Variants in MRTFB observed in about 807,000 individuals in gnomAD.
MRTFB encodes the protein myocardin-related transcription factor B.
Under a neutral mutation model 104.2 loss-of-function variants are expected in MRTFB, and 29 were observed. The observed-to-expected ratio is 0.28, with a 90% CI of 0.21 to 0.38. The LOEUF (loss-of-function observed/expected upper bound fraction) is 0.38, where lower values mean the gene tolerates loss of function less well. MRTFB is among the 10% of genes least tolerant of loss of function. The pLI, the probability that MRTFB is intolerant of heterozygous loss-of-function variation, is 1.00. For synonymous variants in MRTFB, 535 were observed against 519.5 expected, an observed-to-expected ratio of 1.03 and a Z score of -0.41; for missense variants, 1,270 against 1,341.6, an observed-to-expected ratio of 0.95 and a Z score of 0.83.
intron 2 of MRTFB, among the ~76,000 whole-genome samples, chr16:14,095,056 T>C (rs986711116): frequency 6.6e-6 from 1 of 152,212 alleles, no homozygotes; most frequent in South Asian, 2.1e-4. Context: ...ATAGTCTTCT[T>C]ATCTTACCAA....
chr16:14,012,204 G>A, the MRTFB span, among the ~76,000 whole-genome samples: 14 of 150,938 alleles, frequency 9.3e-5, no homozygotes, highest in Non-Finnish European at 1.8e-4. Context: ...GGCAGGCAAC[G>A]ACCTTGACAT....
intron 1 of MRTFB, among the ~76,000 whole-genome samples, chr16:14,072,313 T>C (rs2141759989): frequency 6.6e-6 from 1 of 152,308 alleles, no homozygotes; most frequent in Admixed American, 6.5e-5. Flanking sequence ...GATGGTTTGA[T>C]TGAAGCGTAA....
At chr16:14,034,385 G>T in the MRTFB span, among the ~76,000 whole-genome samples, 2 of 152,180 alleles carry the variant, frequency 1.3e-5, no homozygotes, top group African/African-American at 2.4e-5. Context: ...AGGCCAAGGT[G>T]GGCGGATCAC....
At chr16:14,090,677 T>C (rs2035001222) in intron 2 of MRTFB, among the ~76,000 whole-genome samples, 1 of 152,082 alleles carries the variant, frequency 6.6e-6, no homozygotes, top group Non-Finnish European at 1.5e-5. Flanking sequence ...GATCAGAACT[T>C]TTTGTTATAG....
chr16:14,057,197 G>C, the MRTFB span, among the ~76,000 whole-genome samples: 1 of 152,062 alleles, frequency 6.6e-6, no homozygotes, highest in Admixed American at 6.5e-5. Flanking sequence ...CACTGTTCCA[G>C]CCAAAAAATG....
At chr16:14,249,204 T>G in intron 13 of MRTFB, 123 bp downstream of exon 13, 1 of 1,157,760 alleles carries the variant, frequency 8.6e-7, no homozygotes, top group East Asian at 2.6e-5. Context: ...GTGATCCATC[T>G]CCCATAGAAT....
the MRTFB span, among the ~76,000 whole-genome samples, chr16:14,032,621 G>A: frequency 1.3e-5 from 2 of 152,150 alleles, no homozygotes; most frequent in African/African-American, 4.8e-5. Flanking sequence ...CCTCCAATTT[G>A]TCAGACAGAA....
chr16:14,075,889 C>T (rs1408049554), intron 1 of MRTFB, among the ~76,000 whole-genome samples: 2 of 152,114 alleles, frequency 1.3e-5, no homozygotes, highest in Non-Finnish European at 2.9e-5. Flanking sequence ...GTGCTTTTAA[C>T]ATTTACAAAT....
the MRTFB span, among the ~76,000 whole-genome samples, chr16:13,995,731 C>A: frequency 1.3e-5 from 2 of 152,088 alleles, no homozygotes; most frequent in African/African-American, 4.8e-5. Context: ...GCACATCATC[C>A]CTGGCTGGAG....
At position 14,261,469 on chromosome 16, in the gene MRTFB, T is replaced by G. The variant is rs143311593; in HGVS notation, c.*25T>G. The G allele has an allele frequency of 1.3e-6, 2 of 1,560,056 alleles. No individual in the cohort carries two copies. The highest frequency in any genetic ancestry group is 1.7e-6 in the Non-Finnish European group (2 of 1,150,664). ...ACGTCACAGATTTCTTTTCTGAGAG[T>G]TGATGAGGTTTAAGAACATGAAGAT... On this transcript the variant is annotated 3_prime_UTR_variant, in exon 17 of 17. Transcript: ENST00000571589.
chr16:14,092,388 A>G (rs534508781), intron 2 of MRTFB, among the ~76,000 whole-genome samples: 1 of 152,284 alleles, frequency 6.6e-6, no homozygotes, highest in East Asian at 1.9e-4. Context: ...AAGGGTGGGA[A>G]ACAGATTTAG....
intron 9 of MRTFB, among the ~76,000 whole-genome samples, chr16:14,236,262 G>T (rs2042501845): frequency 6.6e-6 from 1 of 152,300 alleles, no homozygotes; most frequent in South Asian, 2.1e-4. Flanking sequence ...TAATATTGTG[G>T]GATTGAAGGA....
At chr16:14,049,801 C>T in the MRTFB span, among the ~76,000 whole-genome samples, 1 of 152,160 alleles carries the variant, frequency 6.6e-6, no homozygotes, top group African/African-American at 2.4e-5. Context: ...GGCACGATCT[C>T]GGCTCACTGC....
intron 10 of MRTFB, among the ~76,000 whole-genome samples, chr16:14,244,172 A>G (rs1567210312): frequency 2.0e-5 from 3 of 152,104 alleles, no homozygotes; most frequent in African/African-American, 4.8e-5. Context: ...AACTTCATAT[A>G]CACGCAATCT....
chr16:14,033,017 GT>G, the MRTFB span, among the ~76,000 whole-genome samples: 116 of 124,506 alleles, frequency 9.3e-4, no homozygotes, highest in East Asian at 0.019. Flanking sequence ...TCCCTTTGTA[GT>G]TTTTTTTTTA....
At chr16:14,204,146 A>G (rs1028071079) in intron 3 of MRTFB, among the ~76,000 whole-genome samples, 5 of 150,860 alleles carry the variant, frequency 3.3e-5, no homozygotes, top group South Asian at 4.2e-4. Flanking sequence ...TTTATTTTTT[A>G]TTTTTCTTTG....
chr16:14,246,300 T>TA (rs939053625), intron 11 of MRTFB, among the ~76,000 whole-genome samples, 173 bp from the exon 12 acceptor site: 52 of 152,346 alleles, frequency 3.4e-4, no homozygotes, highest in African/African-American at 1.1e-3. Context: ...CAAGTGCTTC[T>TA]AGTCTGTAGT....
chr16:14,005,675 G>A, the MRTFB span, among the ~76,000 whole-genome samples: 1 of 152,300 alleles, frequency 6.6e-6, no homozygotes, highest in South Asian at 2.1e-4. Flanking sequence ...ATGTTCCGGA[G>A]ATGGTCCCAG....
the MRTFB span, among the ~76,000 whole-genome samples, chr16:14,057,832 T>C: frequency 1.3e-5 from 2 of 151,500 alleles, no homozygotes; most frequent in African/African-American, 4.8e-5. Flanking sequence ...TATTCAAAAC[T>C]AAAGAGTCCA....
Sources: gnomAD v4.1 joint callset for allele counts (sites outside exome capture counted in the v4.1 genomes callset) on GRCh38, gnomAD v4.1.1 for gene constraint, MANE v1.5 for transcripts, NCBI Gene and HGNC (gene_info 2026-07-23, HGNC 2026-07-21) for gene names.